TMPRSS6: variants seen among roughly 807,000 people sequenced by gnomAD.
TMPRSS6 encodes transmembrane protease serine 6.
In TMPRSS6, 67 loss-of-function variants were observed where a neutral mutation model predicts 101.5. That is an observed-to-expected ratio of 0.66 (90% CI 0.54 to 0.81). TMPRSS6 has a LOEUF of 0.81. Among genes scored for constraint, TMPRSS6 ranks in the 30% least tolerant of loss-of-function variants. The pLI, the probability that TMPRSS6 is intolerant of heterozygous loss-of-function variation, is 0.00. For missense variants in TMPRSS6, 1,034 were observed against 1,088.7 expected (o/e 0.95, Z 0.71); for synonymous variants, 453 against 464.9 (o/e 0.97, Z 0.33).
intron 6 of TMPRSS6, among the ~76,000 whole-genome samples, chr22:37,090,519 C>T (rs569309301): frequency 6.6e-6 from 1 of 151,974 alleles, no homozygotes; most frequent in African/African-American, 2.4e-5. Context: ...ATGGTGAAGC[C>T]ATCAGAATAA....
chr22:37,108,328 C>T (rs1930841745), intron 1 of TMPRSS6, among the ~76,000 whole-genome samples: 2 of 152,296 alleles, frequency 1.3e-5, no homozygotes, highest in South Asian at 2.1e-4. Context: ...CTCACCTCTT[C>T]GCAGCTCTCC....
chr22:37,068,531 C>A, intron 16 of TMPRSS6: 1 of 767,042 alleles, frequency 1.3e-6, no homozygotes, highest in South Asian at 1.4e-5. Flanking sequence ...TTTCTGAGAG[C>A]AGTAGCAGGA....
At chr22:37,092,715 C>T (rs1191564421) in intron 6 of TMPRSS6, among the ~76,000 whole-genome samples, 6 of 152,196 alleles carry the variant, frequency 3.9e-5, no homozygotes, top group African/African-American at 7.2e-5. Flanking sequence ...AGGCTGGCCT[C>T]GAACTCCTGA....
intron 10 of TMPRSS6, chr22:37,082,675 C>T (rs1445889496): frequency 3.1e-6 from 1 of 319,782 alleles, no homozygotes; most frequent in Non-Finnish European, 6.1e-6. Flanking sequence ...GGCCTGACAT[C>T]ACTGAACCAG....
chr22:37,098,150 C>T (rs898532430), intron 3 of TMPRSS6, among the ~76,000 whole-genome samples: 2 of 151,774 alleles, frequency 1.3e-5, no homozygotes, highest in Non-Finnish European at 2.9e-5. Context: ...TCAATAGTGT[C>T]AGCTGCACTG....
chr22:37,075,264 T>C lies in TMPRSS6; in HGVS notation c.1213A>G (p.Ile405Val), dbSNP rs1439827439. The part of the protein sequence containing the change: ...IQNRRLCGLR[I>V]LQPYAERIPV... ...ATCCTCTCGGCGTAGGGCTGCAGGA[T>C]GCGCAAGCCACACAGCCTGGGGGGA... Residue 405 changes from isoleucine to valine, a missense_variant, in exon 11 of 18, where the codon ATC becomes GTC. By Grantham distance (29) the Ile-to-Val change is conservative (BLOSUM62 3). Coordinates refer to ENST00000676104, the MANE Select transcript of TMPRSS6 (RefSeq NM_001374504.1). 4.3e-6 allele frequency: 7 copies of C among 1,613,514 alleles called. No individual in the cohort carries two copies. The highest frequency in any genetic ancestry group is 5.9e-6 in the Non-Finnish European group (7 of 1,180,008).
At position 37,069,293 on chromosome 22, in the gene TMPRSS6, G is replaced by C; in HGVS notation, c.1893C>G (p.Asn631Lys). The part of the protein sequence containing the change: ...WTVFLGKVWQ[N>K]SRWPGEVSFK... ...AGGACACCTCTCCAGGCCAGCGCGAGTTCTGCCACACCTTGCCCAGGAACA... is the reference window on the plus strand; with the variant it reads ...AGGACACCTCTCCAGGCCAGCGCGACTTCTGCCACACCTTGCCCAGGAACA... The change falls in exon 16 of 18, where the codon AAC becomes AAG. Residue 631 changes from asparagine (N) to lysine (K), a missense_variant. By Grantham distance (94) the Asn-to-Lys change is moderately conservative. Transcript: ENST00000676104. This position sits in a 1 kb window ranked among gnomAD's most constrained non-coding sequence, Gnocchi z 4.8. 6.6e-7 allele frequency: 1 copy of C among 1,525,094 alleles called. No homozygotes were observed. Among genetic ancestry groups the C allele is most frequent in the South Asian group, 1.1e-5 (1 of 89,642 alleles). 94.5% of individuals were successfully genotyped at this position (1,525,094 alleles called of 1,614,324 possible).
chr22:37,068,584 T>C (rs877908), intron 16 of TMPRSS6: 319,639 of 779,150 alleles, frequency 0.41, 70,729 homozygotes, highest in African/African-American at 0.74. Context: ...GTTCTAATCT[T>C]TGCTCCAGTC....
intron 7 of TMPRSS6, among the ~76,000 whole-genome samples, chr22:37,088,352 G>T (rs779416201): frequency 1.9e-4 from 29 of 152,298 alleles, no homozygotes; most frequent in Non-Finnish European, 3.5e-4. Context: ...CACATTCAAA[G>T]ACTGCGCTTG....
rs147930547 is a variant in TMPRSS6 at position 37,080,576 on chromosome 22, G to T, written c.1196+3719C>A. Among the ~76,000 whole-genome samples, 151 of 152,394 alleles carry T rather than the reference G, an allele frequency of 9.9e-4. 4 individuals are homozygous for T. The East Asian group carries it at 0.024, about 24-fold the overall frequency. ...GAATTTCTCAGCATCTACATGGGAT[G>T]ATCACTATCGCCCATGATCATAACT... is the stretch of plus-strand genomic sequence containing the variant. On this transcript the variant is annotated intron_variant, in intron 10 of 17. Coordinates refer to ENST00000676104, the MANE Select transcript of TMPRSS6 (RefSeq NM_001374504.1).
intron 13 of TMPRSS6, among the ~76,000 whole-genome samples, chr22:37,071,465 C>G (rs1926897622): frequency 6.6e-6 from 1 of 152,236 alleles, no homozygotes; most frequent in Non-Finnish European, 1.5e-5. Context: ...TGCCTCTCTC[C>G]TTTCCTCCTG....
At chr22:37,076,647 C>T (rs1188878556) in intron 10 of TMPRSS6, among the ~76,000 whole-genome samples, 4 of 152,178 alleles carry the variant, frequency 2.6e-5, no homozygotes, top group Admixed American at 6.5e-5. Flanking sequence ...GTGGGTGCAG[C>T]CACTCCCCCA....
At position 37,067,246 on chromosome 22, in the gene TMPRSS6, G is replaced by A. The variant is rs975960849; in HGVS notation, c.2114-284C>T. On this transcript the variant is annotated intron_variant, in intron 16 of 17. Coordinates refer to ENST00000676104, the MANE Select transcript of TMPRSS6 (RefSeq NM_001374504.1). The stretch of plus-strand genomic sequence containing the variant: ...AGCACTTTGGGAGGCTGAGGCGGAC[G>A]GAACACCTGAGGTCAAGAGTTTGAG... 4.6e-5 allele frequency among the ~76,000 whole-genome samples: 7 copies of A among 152,134 alleles called. No individual in the cohort carries two copies. In the East Asian group the frequency reaches 5.8e-4, roughly 13 times the overall value.
At chr22:37,084,540 C>T in intron 9 of TMPRSS6, 136 bp from the exon 10 acceptor site, 2 of 819,402 alleles carry the variant, frequency 2.4e-6, no homozygotes, top group South Asian at 1.5e-5. Context: ...AACAAACAGG[C>T]ATTGCTGTGA....
At chr22:37,071,992 G>GC (rs1433325148) in intron 13 of TMPRSS6, among the ~76,000 whole-genome samples, 15 of 151,404 alleles carry the variant, frequency 9.9e-5, no homozygotes, top group African/African-American at 3.4e-4. Context: ...ATGGATGGAT[G>GC]ATGGATGGGT....
Position 37,066,968 on chromosome 22 carries a change from C to T in TMPRSS6, c.2114-6G>A, listed in dbSNP as rs773122833. On this transcript the variant is annotated splice_polypyrimidine_tract_variant and splice_region_variant and intron_variant, in intron 16 of 17. Coordinates refer to ENST00000676104, the MANE Select transcript of TMPRSS6 (RefSeq NM_001374504.1). The stretch of plus-strand genomic sequence containing the variant: ...CAGAGCGTTGCTGATGGGGCCTGTC[C>T]GTGGTCAAGGGCAGAAGTGAGATCT... The T allele has an allele frequency of 6.8e-6, 11 of 1,614,010 alleles. No homozygotes were observed. Among genetic ancestry groups the T allele is most frequent in the African/African-American group, 4.0e-5 (3 of 74,928 alleles).
chr22:37,095,024 T>A (rs567361723), intron 6 of TMPRSS6, among the ~76,000 whole-genome samples: 1 of 152,058 alleles, frequency 6.6e-6, no homozygotes, highest in South Asian at 2.1e-4. Context: ...CTTGGAGAAA[T>A]GCAAGGTGAC....
Position 37,103,551 on chromosome 22 carries a change from G to A in TMPRSS6, c.-1-133C>T. The A allele has an allele frequency of 6.2e-7, 1 of 1,613,908 alleles. No homozygotes were observed. Among genetic ancestry groups the A allele is most frequent in the Non-Finnish European group, 8.5e-7 (1 of 1,180,022 alleles). ...AAGAGTAACAACATCAGGCGGCAGT[G>A]ACTGCAAGTGGGTGCCGAGACAGCT... On this transcript the variant is annotated intron_variant, in intron 1 of 17. Coordinates refer to ENST00000676104, the MANE Select transcript of TMPRSS6 (RefSeq NM_001374504.1). This position sits in a 1 kb window ranked among gnomAD's most constrained non-coding sequence, Gnocchi z 4.4.
chr22:37,084,887 C>G, intron 8 of TMPRSS6, 48 bp from the exon 9 acceptor site: 1 of 1,458,262 alleles, frequency 6.9e-7, no homozygotes, highest in Non-Finnish European at 9.4e-7. Flanking sequence ...GGCTGCACCT[C>G]CCAGCAGGCT....
Sources: allele counts gnomAD v4.1 joint callset (sites outside exome capture counted in the v4.1 genomes callset), GRCh38; gene constraint gnomAD v4.1.1; non-coding constraint Gnocchi (gnomAD v3.1); transcripts MANE v1.5; gene names NCBI Gene and HGNC (gene_info 2026-07-23, HGNC 2026-07-21).